The following TBC1D5 variants were observed in gnomAD, a reference collection of about 807,000 sequenced individuals.
TBC1D5 encodes the protein TBC1 domain family, member 5.
Under a neutral mutation model 100.3 loss-of-function variants are expected in TBC1D5, and 75 were observed. That is an observed-to-expected ratio of 0.75 (90% CI 0.62 to 0.91). TBC1D5 has a LOEUF of 0.91. Among genes scored for constraint, TBC1D5 ranks in the 40% least tolerant of loss-of-function variants. TBC1D5 has a pLI of 0.00. For synonymous variants in TBC1D5, 323 were observed against 325.6 expected, an observed-to-expected ratio of 0.99 and a Z score of 0.09; for missense variants, 910 against 942.4, an observed-to-expected ratio of 0.97 and a Z score of 0.45.
At chr3:17,497,972 C>T (rs926587527) in intron 3 of TBC1D5, among the ~76,000 whole-genome samples, 5 of 152,002 alleles carry the variant, frequency 3.3e-5, no homozygotes, top group Admixed American at 2.0e-4. Context: ...CAAAAATTAT[C>T]AAGTGGTAGA....
intron 2 of TBC1D5, among the ~76,000 whole-genome samples, chr3:17,530,559 T>C (rs2096207862): frequency 1.3e-5 from 2 of 152,214 alleles, no homozygotes; most frequent in Non-Finnish European, 2.9e-5. Context: ...ATTACTGAGT[T>C]AGACATAAAA....
At chr3:17,310,766 TTAA>T (rs760435896) in intron 13 of TBC1D5, among the ~76,000 whole-genome samples, 2 of 152,068 alleles carry the variant, frequency 1.3e-5, no homozygotes, top group Non-Finnish European at 2.9e-5. Context: ...ATAAAGACTG[TTAA>T]TAAGTTGTAC....
rs1262374194 is a variant in TBC1D5, at chr3:17,673,626, A to C, written c.-100-49713T>G. ...TACTGCACCCAGCCTATACTTTCTA[A>C]AATTTTTAAAATCTAAGCCACAAAA... On this transcript the variant is annotated intron_variant, in intron 1 of 21. Coordinates refer to ENST00000253692, the Ensembl canonical transcript of TBC1D5. Among the ~76,000 whole-genome samples the C allele has an allele frequency of 2.0e-5, 3 of 151,852 alleles. No individual in the cohort carries two copies. The East Asian group carries it at 5.8e-4, about 29-fold the overall frequency.
chr3:17,197,181 G>A (rs2596657), intron 18 of TBC1D5, among the ~76,000 whole-genome samples: 59,270 of 151,892 alleles, frequency 0.39, 12,267 homozygotes, highest in Middle Eastern at 0.5. Flanking sequence ...GTCCACTTCC[G>A]CAACTGAGCT....
At chr3:17,371,965 G>C (rs891682759) in intron 13 of TBC1D5, 110 bp downstream of exon 13, 5 of 1,043,020 alleles carry the variant, frequency 4.8e-6, no homozygotes, top group Non-Finnish European at 6.5e-6. Context: ...TGAGCCCAGG[G>C]GGCAGAGTTT....
intron 3 of TBC1D5, among the ~76,000 whole-genome samples, chr3:17,467,129 T>G (rs1366986314): frequency 3.9e-5 from 6 of 152,060 alleles, no homozygotes; most frequent in Non-Finnish European, 8.8e-5. Flanking sequence ...TTATAAATGT[T>G]TTGTTTTACT....
intron 9 of TBC1D5, among the ~76,000 whole-genome samples, chr3:17,377,712 TAGAA>T (rs2092766665): frequency 6.6e-6 from 1 of 152,008 alleles, no homozygotes; most frequent in Non-Finnish European, 1.5e-5. Context: ...GTACTATTCT[TAGAA>T]AGCCAATTGT....
exon 22 of TBC1D5, chr3:17,161,085 G>C (rs759779098): frequency 1.9e-6 from 3 of 1,614,122 alleles, no homozygotes; most frequent in Non-Finnish European, 2.5e-6. Flanking sequence ...GAGAACACCA[G>C]TGGGGAGCAG....
At chr3:17,706,449 A>G (rs1487349827) in intron 1 of TBC1D5, among the ~76,000 whole-genome samples, 1 of 150,802 alleles carries the variant, frequency 6.6e-6, no homozygotes, top group South Asian at 2.1e-4. Flanking sequence ...ACGCGCGCGC[A>G]CACCCCACTA....
At chr3:17,433,582 C>T in intron 3 of TBC1D5, among the ~76,000 whole-genome samples, 1 of 152,140 alleles carries the variant, frequency 6.6e-6, no homozygotes, top group East Asian at 1.9e-4. Flanking sequence ...CCTGTAACAC[C>T]TGGGGATTAT....
intron 14 of TBC1D5, among the ~76,000 whole-genome samples, chr3:17,294,875 G>C (rs2082097861): frequency 6.6e-6 from 1 of 152,196 alleles, no homozygotes; most frequent in South Asian, 2.1e-4. Context: ...CCAGTTTAAA[G>C]TAGGTAGAAA....
At chr3:17,268,580 T>C (rs1431808803) in intron 15 of TBC1D5, among the ~76,000 whole-genome samples, 3 of 152,062 alleles carry the variant, frequency 2.0e-5, no homozygotes, top group Non-Finnish European at 4.4e-5. Context: ...AAAGTAGTAA[T>C]GAATGTAAAT....
chr3:17,239,593 G>A (rs1475161944), intron 16 of TBC1D5, among the ~76,000 whole-genome samples: 1 of 152,036 alleles, frequency 6.6e-6, no homozygotes, highest in African/African-American at 2.4e-5. Flanking sequence ...ATTCCTCAAG[G>A]TCACCAATGA....
At chr3:17,493,405 T>C (rs905654723) in intron 3 of TBC1D5, among the ~76,000 whole-genome samples, 1 of 152,122 alleles carries the variant, frequency 6.6e-6, no homozygotes, top group African/African-American at 2.4e-5. Flanking sequence ...GAGAATCTGA[T>C]GATTATGTCT....
chr3:17,701,958 C>T (rs1212785139), intron 1 of TBC1D5, among the ~76,000 whole-genome samples: 1 of 151,762 alleles, frequency 6.6e-6, no homozygotes, highest in East Asian at 1.9e-4. Context: ...ATTTCAAGAG[C>T]TAAAGATTCC....
At chr3:17,521,990 G>C (rs1272672950) in intron 2 of TBC1D5, among the ~76,000 whole-genome samples, 1 of 151,992 alleles carries the variant, frequency 6.6e-6, no homozygotes, top group Non-Finnish European at 1.5e-5. Context: ...GAGCCAAAAA[G>C]TCTCAGTATA....
intron 2 of TBC1D5, among the ~76,000 whole-genome samples, chr3:17,618,945 C>G (rs1394812694): frequency 2.0e-5 from 3 of 152,194 alleles, no homozygotes; most frequent in African/African-American, 7.2e-5. Flanking sequence ...GAACCAGGTA[C>G]CTCAGTTGGA....
chr3:17,437,608 G>A (rs996980206), intron 3 of TBC1D5, among the ~76,000 whole-genome samples: 29 of 121,530 alleles, frequency 2.4e-4, no homozygotes, highest in Non-Finnish European at 4.0e-4. Flanking sequence ...AGGGGAGAGA[G>A]ACAGAGACAG....
At chr3:17,704,447 A>G (rs1265642243) in intron 1 of TBC1D5, among the ~76,000 whole-genome samples, 12 of 148,122 alleles carry the variant, frequency 8.1e-5, no homozygotes, top group South Asian at 2.2e-4. Context: ...CACACCTCCC[A>G]GACGGGGTGG....
Sources: gnomAD v4.1 joint callset for allele counts (sites outside exome capture counted in the v4.1 genomes callset) on GRCh38, gnomAD v4.1.1 for gene constraint, MANE v1.5 for transcripts, NCBI Gene and HGNC (gene_info 2026-07-23, HGNC 2026-07-21) for gene names.